Variants in NEK11 observed in about 807,000 individuals in gnomAD.
The protein encoded by NEK11 is serine/threonine-protein kinase Nek11.
NEK11 carries 72 observed loss-of-function variants against 80.7 expected under a neutral mutation model. The ratio of observed to expected loss-of-function variants is 0.89; its 90% confidence interval spans 0.74 to 1.08. The LOEUF (loss-of-function observed/expected upper bound fraction) is 1.08, where lower values mean the gene tolerates loss of function less well. Ranked by LOEUF, NEK11 falls within the 50% of genes least tolerant of loss-of-function variation. NEK11 has a pLI of 0.00. For missense variants in NEK11, 764 were observed against 763.6 expected, an observed-to-expected ratio of 1.00 and a Z score of -0.01; for synonymous variants, 251 against 260.7, an observed-to-expected ratio of 0.96 and a Z score of 0.36.
At chr3:131,196,389 A>G (rs1221561261) in intron 14 of NEK11, among the ~76,000 whole-genome samples, 1 of 152,214 alleles carries the variant, frequency 6.6e-6, no homozygotes, top group Non-Finnish European at 1.5e-5. Flanking sequence ...TTAAATATTT[A>G]AGATATGAAA....
intron 16 of NEK11, among the ~76,000 whole-genome samples, chr3:131,264,262 G>A (rs1051364001): frequency 1.3e-5 from 2 of 152,160 alleles, no homozygotes; most frequent in African/African-American, 2.4e-5. Context: ...ATTGCTTTTG[G>A]TGTTTTAGTC....
At chr3:131,117,335 A>G (rs1395091923) in intron 5 of NEK11, among the ~76,000 whole-genome samples, 3 of 152,096 alleles carry the variant, frequency 2.0e-5, no homozygotes. Context: ...ATTGGTCTAT[A>G]TCTCTGTTTT....
intron 4 of NEK11, among the ~76,000 whole-genome samples, chr3:131,085,217 ATTG>A (rs1388560415): frequency 2.0e-5 from 3 of 152,188 alleles, no homozygotes; most frequent in Non-Finnish European, 4.4e-5. Context: ...TGAGTTCCCT[ATTG>A]CCTTGGCAGT....
intron 7 of NEK11, among the ~76,000 whole-genome samples, chr3:131,136,783 T>C (rs971777729): frequency 3.9e-5 from 6 of 152,212 alleles, no homozygotes; most frequent in Non-Finnish European, 8.8e-5. Flanking sequence ...AGCTGATTTG[T>C]ATAAGCAATT....
Position 131,124,527 on chromosome 3 carries a change from TCTGAGGAGGG to T in NEK11, c.456-8212_456-8203del, listed in dbSNP as rs532251204. ...CCCCCCACTTCCTTTACCTAACAGG[TCTGAGGAGGG>T]CTGAGCCTCCCCAGAGGCTCATGGG... On this transcript the variant is annotated intron_variant, in intron 5 of 17. Transcript: ENST00000383366. Among the ~76,000 whole-genome samples the T allele has an allele frequency of 9.9e-5, 15 of 151,964 alleles. No homozygotes were observed. In the South Asian group the frequency reaches 3.1e-3, roughly 32 times the overall value.
At chr3:131,319,096 G>A (rs1307822397) in intron 17 of NEK11, among the ~76,000 whole-genome samples, 1 of 151,902 alleles carries the variant, frequency 6.6e-6, no homozygotes, top group Non-Finnish European at 1.5e-5. Context: ...TTCAGACTAA[G>A]ATAAATATCT....
chr3:131,252,496 GGAACAGGGAC>G (rs1274979846), intron 16 of NEK11, among the ~76,000 whole-genome samples: 1 of 152,070 alleles, frequency 6.6e-6, no homozygotes, highest in African/African-American at 2.4e-5. Context: ...AATTCTACTT[GGAACAGGGAC>G]AGTGATATTT....
chr3:131,296,000 C>G (rs545653705), intron 17 of NEK11, among the ~76,000 whole-genome samples: 1 of 152,086 alleles, frequency 6.6e-6, no homozygotes, highest in Admixed American at 6.6e-5. Flanking sequence ...GCCACCACAT[C>G]TGGCTAATTT....
chr3:131,205,833 A>G (rs2094427266), intron 14 of NEK11, among the ~76,000 whole-genome samples: 2 of 152,288 alleles, frequency 1.3e-5, no homozygotes, highest in South Asian at 4.1e-4. Flanking sequence ...TCAGCCTAAG[A>G]CACCTAGCTT....
chr3:131,031,458 G>A (rs904953183), intron 3 of NEK11, among the ~76,000 whole-genome samples: 1 of 152,120 alleles, frequency 6.6e-6, no homozygotes, highest in Non-Finnish European at 1.5e-5. Context: ...CTACACTGTA[G>A]GATCATATCC....
rs138590691 is a variant in NEK11, at chr3:131,223,661, C to T, written c.1400-4867C>T. Among the ~76,000 whole-genome samples, 1,343 of 152,312 alleles carry T rather than the reference C, an allele frequency of 8.8e-3. 14 individuals carry two copies. The highest frequency in any genetic ancestry group is 0.029 in the African/African-American group (1,191 of 41,566). ...GTAGTTGTGACAGAGACCACGTAATCTGCAAAGCCTAAAATTGTTTTACTA... is the reference window on the plus strand; with the variant it reads ...GTAGTTGTGACAGAGACCACGTAATTTGCAAAGCCTAAAATTGTTTTACTA... On this transcript the variant is annotated intron_variant, in intron 14 of 17. Transcript: ENST00000383366.
rs542490125 is a variant in NEK11, at chr3:131,315,025, T to A, written c.1719-34532T>A. On this transcript the variant is annotated intron_variant, in intron 17 of 17. Coordinates refer to ENST00000383366, the MANE Select transcript of NEK11 (RefSeq NM_024800.5). The stretch of plus-strand genomic sequence containing the variant: ...CATATTTAAGGTATACAACATGATG[T>A]TTTGATACATGTACCTTGATATACA... 6.8e-4 allele frequency among the ~76,000 whole-genome samples: 104 copies of A among 152,342 alleles called. 1 individual carries two copies. In the South Asian group the frequency reaches 0.013, roughly 19 times the overall value.
At chr3:131,076,819 C>T (rs1266956849) in intron 3 of NEK11, among the ~76,000 whole-genome samples, 2 of 152,202 alleles carry the variant, frequency 1.3e-5, no homozygotes, top group Non-Finnish European at 2.9e-5. Context: ...TCCTCCAGAT[C>T]CTTTCTCTTT....
intron 11 of NEK11, among the ~76,000 whole-genome samples, chr3:131,162,835 C>G (rs115367720): frequency 1.3e-5 from 2 of 152,142 alleles, no homozygotes; most frequent in African/African-American, 4.8e-5. Context: ...TCTGCACATA[C>G]CCCAGCAGGA....
intron 4 of NEK11, among the ~76,000 whole-genome samples, chr3:131,101,071 A>G (rs1341111560): frequency 6.6e-6 from 1 of 151,728 alleles, no homozygotes; most frequent in African/African-American, 2.4e-5. Context: ...TTTCTATGGG[A>G]TTGGTTGTAA....
Position 131,132,802 on chromosome 3 carries a change from T to G in NEK11, c.513T>G (p.Leu171=). 1 of 1,429,460 alleles carries G rather than the reference T, an allele frequency of 7.0e-7. No individual in the cohort carries two copies. The highest frequency in any genetic ancestry group is 1.3e-5 in the South Asian group (1 of 79,898). The allele number at this position is 1,429,460 out of a possible 1,614,324, so 88.5% of individuals were successfully genotyped here. ...SKNVFLKNNL[L]KIGDFGVSRL... ...ATGTATTTCTGAAAAATAATCTCCT[T>G]AAAATTGGTAAGATTTTAAAAAGTA... Residue 171 remains leucine (L), a synonymous_variant, in exon 6 of 18, where the codon CTT becomes CTG. Transcript: ENST00000383366.
At chr3:131,303,714 G>A (rs1301679591) in intron 17 of NEK11, among the ~76,000 whole-genome samples, 3 of 152,114 alleles carry the variant, frequency 2.0e-5, no homozygotes, top group Non-Finnish European at 2.9e-5. Context: ...TCTGTTGAGA[G>A]GTCTGCCATT....
intron 14 of NEK11, among the ~76,000 whole-genome samples, chr3:131,189,254 A>G (rs2093704634): frequency 6.6e-6 from 1 of 152,144 alleles, no homozygotes; most frequent in Non-Finnish European, 1.5e-5. Context: ...AAGTCACCAA[A>G]TTTGTGGGAC....
intron 11 of NEK11, among the ~76,000 whole-genome samples, chr3:131,164,359 A>C (rs1243505526): frequency 6.6e-6 from 1 of 152,232 alleles, no homozygotes; most frequent in Non-Finnish European, 1.5e-5. Context: ...AGCCAATACA[A>C]GTTGGATTCT....
Sources: allele counts gnomAD v4.1 joint callset (sites outside exome capture counted in the v4.1 genomes callset), GRCh38; gene constraint gnomAD v4.1.1; transcripts MANE v1.5; gene names NCBI Gene and HGNC (gene_info 2026-07-23, HGNC 2026-07-21).